Variants in RFWD3 observed in about 807,000 individuals in gnomAD.
RFWD3 encodes the protein ring finger and WD repeat domain 3.
RFWD3 carries 65 observed loss-of-function variants against 87.7 expected under a neutral mutation model. That is an observed-to-expected ratio of 0.74 (90% CI 0.61 to 0.91). The LOEUF is 0.91. Among genes scored for constraint, RFWD3 ranks in the 40% least tolerant of loss-of-function variants. The pLI is 0.00. For missense variants in RFWD3, 1,078 were observed against 938.5 expected, an observed-to-expected ratio of 1.15 and a Z score of -1.94; for synonymous variants, 433 against 352.8, an observed-to-expected ratio of 1.23 and a Z score of -2.55.
At chr16:74,627,987 G>A (rs1346385989) in intron 11 of RFWD3, among the ~76,000 whole-genome samples, 2 of 152,190 alleles carry the variant, frequency 1.3e-5, no homozygotes, top group Non-Finnish European at 2.9e-5. Context: ...TTCCACCTCT[G>A]ATTCCAGAGG....
chr16:74,647,028 A>G (rs1324551846), intron 4 of RFWD3, among the ~76,000 whole-genome samples: 1 of 151,900 alleles, frequency 6.6e-6, no homozygotes, highest in East Asian at 2.0e-4. Context: ...CGGAGCCTGC[A>G]GTGAGCCGAG....
rs1384498545 is a variant in RFWD3 at position 74,626,371 on chromosome 16, G to A, written c.2153C>T (p.Thr718Ile). 21 of 1,614,178 alleles carry A rather than the reference G, an allele frequency of 1.3e-5. No homozygotes were observed. The highest frequency in any genetic ancestry group is 1.6e-5 in the Non-Finnish European group (19 of 1,180,022). The change falls in exon 12 of 13, where the codon ACT becomes ATT. Residue 718 changes from threonine (T) to isoleucine (I), a missense_variant. Thr to Ile is a moderately conservative substitution (Grantham distance 89). Transcript: ENST00000361070. ...GGCAGAATTTGCTGCTTCATCCCCA[G>A]TACACACCAGGATGTTGCCATCATT... ...PENDGNILVC[T>I]GDEAANSALL... is the part of the protein sequence containing the mutation.
chr16:74,640,139 A>C (rs1959505154), intron 6 of RFWD3, among the ~76,000 whole-genome samples: 1 of 126,864 alleles, frequency 7.9e-6, no homozygotes, highest in African/African-American at 3.2e-5. Flanking sequence ...CATACATGGA[A>C]ACTTAATTTT....
chr16:74,662,794 T>C (rs1013238219), intron 1 of RFWD3, among the ~76,000 whole-genome samples: 1 of 152,134 alleles, frequency 6.6e-6, no homozygotes, highest in African/African-American at 2.4e-5. Context: ...GTGACCAGTG[T>C]AGAGGCTATT....
chr16:74,627,708 T>C (rs1958977039), intron 11 of RFWD3, among the ~76,000 whole-genome samples: 1 of 152,202 alleles, frequency 6.6e-6, no homozygotes, highest in African/African-American at 2.4e-5. Context: ...GAGAGGGACA[T>C]CTGGTCATGG....
intron 4 of RFWD3, among the ~76,000 whole-genome samples, chr16:74,648,500 C>G (rs897802155): frequency 2.0e-5 from 3 of 149,302 alleles, no homozygotes; most frequent in Admixed American, 6.7e-5. Flanking sequence ...AGGCCAGGAA[C>G]GGTGGCTCAC....
Position 74,636,561 on chromosome 16 carries a change from G to GT in RFWD3, c.1210dup (p.Thr404AsnfsTer54), listed in dbSNP as rs765527820. ...CTGTAAATTCTGACTTTGATGTGAC[G>GT]TAAGTTTTTGCAAGTCCTAAAATGA... is the stretch of plus-strand genomic sequence containing the variant. On this transcript the variant is annotated frameshift_variant, in exon 8 of 13. Coordinates refer to ENST00000361070, the MANE Select transcript of RFWD3 (RefSeq NM_018124.4). LOFTEE classifies it high-confidence loss of function. 1.2e-6 allele frequency: 2 copies of GT among 1,612,890 alleles called. No individual in the cohort carries two copies. Among genetic ancestry groups the GT allele is most frequent in the South Asian group, 1.1e-5 (1 of 90,950 alleles).
chr16:74,664,955 CGA>C (rs1237000220), intron 1 of RFWD3, among the ~76,000 whole-genome samples: 2 of 152,122 alleles, frequency 1.3e-5, no homozygotes, highest in African/African-American at 2.4e-5. Flanking sequence ...GTGCCTAGAA[CGA>C]GAGACCATGG....
At chr16:74,642,236 C>A (rs1959723707) in intron 6 of RFWD3, among the ~76,000 whole-genome samples, 1 of 151,852 alleles carries the variant, frequency 6.6e-6, no homozygotes, top group Non-Finnish European at 1.5e-5. Flanking sequence ...GATTCTCGTG[C>A]CTCAGCCTCC....
intron 1 of RFWD3, among the ~76,000 whole-genome samples, chr16:74,665,707 C>T (rs115429000): frequency 0.018 from 2,732 of 152,208 alleles, 66 homozygotes; most frequent in East Asian, 0.063. Flanking sequence ...CTGCAGTGAG[C>T]TCTTCCAGCC....
At chr16:74,660,323 C>T (rs114103855) in intron 2 of RFWD3, among the ~76,000 whole-genome samples, 32 of 152,188 alleles carry the variant, frequency 2.1e-4, no homozygotes, top group African/African-American at 7.7e-4. Context: ...TGTGGTGGCA[C>T]GCGCCTGTAA....
intron 6 of RFWD3, among the ~76,000 whole-genome samples, chr16:74,639,982 A>AT (rs138539305): frequency 0.018 from 2,796 of 152,144 alleles, 38 homozygotes; most frequent in Non-Finnish European, 0.028. Flanking sequence ...TTTATTATTT[A>AT]TTATTGTTAA....
chr16:74,664,573 C>T (rs1013443835), intron 1 of RFWD3: 1 of 152,176 alleles, frequency 6.6e-6, no homozygotes, highest in African/African-American at 2.4e-5. Flanking sequence ...ACGGCAAAAC[C>T]CCGTCTCTAC....
rs773500795 is a variant in RFWD3 at position 74,649,150 on chromosome 16, G to GC, written c.773dup (p.Lys259GlnfsTer13). 1.3e-6 allele frequency: 2 copies of GC among 1,571,602 alleles called. No individual in the cohort carries two copies. Among genetic ancestry groups the GC allele is most frequent in the Non-Finnish European group, 1.7e-6 (2 of 1,165,432 alleles). ...ATATTACCTGTTTGGGGAGGGTCTT[G>GC]CCTCCATCGATACATGTAACTTCTT... On this transcript the variant is annotated frameshift_variant, in exon 4 of 13. Transcript: ENST00000361070. LOFTEE classifies it high-confidence loss of function.
intron 2 of RFWD3, among the ~76,000 whole-genome samples, chr16:74,658,264 C>T (rs1352981237): frequency 6.6e-6 from 1 of 152,182 alleles, no homozygotes; most frequent in Non-Finnish European, 1.5e-5. Flanking sequence ...AGTTTAGTCT[C>T]TCACACAGAG....
chr16:74,627,813 G>C (rs1425358287), intron 11 of RFWD3, among the ~76,000 whole-genome samples: 1 of 152,172 alleles, frequency 6.6e-6, no homozygotes, highest in Non-Finnish European at 1.5e-5. Context: ...TGTTTGGCAG[G>C]ACAGGGCTAG....
chr16:74,636,929 T>C (rs1372720483), intron 7 of RFWD3, among the ~76,000 whole-genome samples: 1 of 151,722 alleles, frequency 6.6e-6, no homozygotes, highest in Non-Finnish European at 1.5e-5. Context: ...GCCGGGCTGG[T>C]CTTGAACTCC....
intron 11 of RFWD3, among the ~76,000 whole-genome samples, chr16:74,627,781 A>G (rs1312946314): frequency 2.6e-5 from 4 of 152,154 alleles, no homozygotes; most frequent in Non-Finnish European, 4.4e-5. Context: ...CAAACTATGA[A>G]CACCCACAAC....
chr16:74,627,452 C>G (rs1411926817), intron 11 of RFWD3, among the ~76,000 whole-genome samples: 1 of 152,120 alleles, frequency 6.6e-6, no homozygotes, highest in Non-Finnish European at 1.5e-5. Flanking sequence ...GATGGCTCCC[C>G]CTTCTTCCCA....
Sources: allele counts gnomAD v4.1 joint callset (sites outside exome capture counted in the v4.1 genomes callset), GRCh38; gene constraint gnomAD v4.1.1; transcripts MANE v1.5; gene names NCBI Gene and HGNC (gene_info 2026-07-23, HGNC 2026-07-21).